The following HEATR5A variants were observed in gnomAD, a reference collection of about 807,000 sequenced individuals.
HEATR5A encodes HEAT repeat containing 5A.
Under a neutral mutation model 218.8 loss-of-function variants are expected in HEATR5A, and 178 were observed. That is an observed-to-expected ratio of 0.81 (90% CI 0.72 to 0.92). The LOEUF is 0.92. Ranked by LOEUF, HEATR5A falls within the 40% of genes least tolerant of loss-of-function variation. The pLI, the probability that HEATR5A is intolerant of heterozygous loss-of-function variation, is 0.00. For missense variants in HEATR5A, 2,420 were observed against 2,418.9 expected (o/e 1.00, Z -0.01); for synonymous variants, 864 against 871.6 (o/e 0.99, Z 0.15).
At chr14:31,319,150 G>A (rs1900007276) in intron 25 of HEATR5A, among the ~76,000 whole-genome samples, 1 of 151,954 alleles carries the variant, frequency 6.6e-6, no homozygotes, top group African/African-American at 2.4e-5. Flanking sequence ...TAATATAATA[G>A]TTCTTTTTTT....
intron 24 of HEATR5A, among the ~76,000 whole-genome samples, chr14:31,323,333 A>C (rs1670429137): frequency 6.6e-6 from 1 of 151,978 alleles, no homozygotes; most frequent in South Asian, 2.1e-4. Context: ...GCTAATTAAA[A>C]AAATTTTTTT....
At chr14:31,419,812 T>G (rs549361109) in intron 1 of HEATR5A, among the ~76,000 whole-genome samples, 1 of 152,186 alleles carries the variant, frequency 6.6e-6, no homozygotes, top group African/African-American at 2.4e-5. Flanking sequence ...TGGCCGAGAG[T>G]AGGGTGAAAG....
chr14:31,364,067 G>C (rs892669789), intron 14 of HEATR5A, 122 bp downstream of exon 14: 2 of 543,406 alleles, frequency 3.7e-6, no homozygotes, highest in Non-Finnish European at 6.6e-6. Context: ...AAACCTCCTA[G>C]AAACAAGGCA....
At chr14:31,417,147 G>A (rs1407899363) in intron 1 of HEATR5A, among the ~76,000 whole-genome samples, 1 of 152,044 alleles carries the variant, frequency 6.6e-6, no homozygotes, top group Non-Finnish European at 1.5e-5. Context: ...CCTATGAATG[G>A]CATAGTAAAA....
intron 13 of HEATR5A, among the ~76,000 whole-genome samples, chr14:31,365,454 G>T (rs911970581): frequency 1.3e-5 from 2 of 151,956 alleles, no homozygotes; most frequent in East Asian, 3.9e-4. Flanking sequence ...TCCGCCTCCT[G>T]GGTTCAAGTC....
Position 31,371,836 on chromosome 14 carries a change from A to G in HEATR5A, c.1935T>C (p.Leu645=). Reference sequence around the variant, plus strand: ...GAGTTAGCAAATCCACAGCACAAGGAAGTGGTGGAAGAAGACGCTGAGTTA... The same window carrying G: ...GAGTTAGCAAATCCACAGCACAAGGGAGTGGTGGAAGAAGACGCTGAGTTA... ...EEVTQRLLPP[L]PCAVDLLTQL... Residue 645 remains leucine, a synonymous_variant, in exon 13 of 36, where the codon CTT becomes CTC. Coordinates refer to ENST00000543095, the MANE Select transcript of HEATR5A (RefSeq NM_015473.4). 1.3e-6 allele frequency: 2 copies of G among 1,544,070 alleles called. No homozygotes were observed. The highest frequency in any genetic ancestry group is 8.8e-7 in the Non-Finnish European group (1 of 1,140,404).
chr14:31,399,657 C>T (rs1470616563), intron 3 of HEATR5A, among the ~76,000 whole-genome samples: 1 of 152,054 alleles, frequency 6.6e-6, no homozygotes, highest in Non-Finnish European at 1.5e-5. Flanking sequence ...TGGTGAAACC[C>T]CGTATCTACT....
intron 33 of HEATR5A, among the ~76,000 whole-genome samples, chr14:31,301,025 C>G (rs1247982619): frequency 6.6e-6 from 1 of 152,104 alleles, no homozygotes; most frequent in Non-Finnish European, 1.5e-5. Context: ...TTATAGGAGC[C>G]AGGCTCCACC....
At chr14:31,414,839 A>G (rs1466263374) in intron 1 of HEATR5A, among the ~76,000 whole-genome samples, 5 of 151,576 alleles carry the variant, frequency 3.3e-5, no homozygotes, top group South Asian at 2.1e-4. Flanking sequence ...TTATTTATTT[A>G]TTTGTTTGTT....
At chr14:31,402,805 A>G (rs2030928191) in intron 2 of HEATR5A, 45 bp downstream of exon 2, 1 of 1,527,132 alleles carries the variant, frequency 6.5e-7, no homozygotes, top group Admixed American at 2.0e-5. Context: ...AAGGAAGTAA[A>G]CATGGGCACT....
At position 31,345,264 on chromosome 14, in the gene HEATR5A, G is replaced by A. The variant is rs753439906; in HGVS notation, c.2881C>T (p.His961Tyr). ...TSPDVQTWAL[H>Y]SLSLIIDSAG... ...GAATCAATGATCAATGATAGAGAAT[G>A]TAATGCCCAGGTCTGTAATGACAAA... Residue 961 changes from histidine to tyrosine, a missense_variant, in exon 20 of 36, where the codon CAT becomes TAT. His to Tyr is a moderately conservative substitution (Grantham distance 83). Coordinates refer to ENST00000543095, the MANE Select transcript of HEATR5A (RefSeq NM_015473.4). The A allele has an allele frequency of 1.4e-5, 22 of 1,609,632 alleles. No homozygotes were observed. The South Asian group carries it at 2.3e-4, about 17-fold the overall frequency.
Position 31,400,495 on chromosome 14 carries a change from T to C in HEATR5A, c.144A>G (p.Lys48=). Residue 48 remains lysine (K), a synonymous_variant, in exon 3 of 36, where the codon AAA becomes AAG. Transcript: ENST00000543095. ...GGAGCTGTTCAACAAGAGTCTTCTG[T>C]TTCTCCCTTACATCATTCTAGAAAG... The part of the protein sequence containing the change: ...LATSRNDVRE[K]QKTLVEQLLS... The C allele has an allele frequency of 1.3e-6, 2 of 1,534,838 alleles. No homozygotes were observed. The highest frequency in any genetic ancestry group is 1.7e-6 in the Non-Finnish European group (2 of 1,145,984).
At chr14:31,365,100 C>T (rs1901756097) in intron 13 of HEATR5A, among the ~76,000 whole-genome samples, 1 of 150,468 alleles carries the variant, frequency 6.6e-6, no homozygotes, top group African/African-American at 2.4e-5. Flanking sequence ...GTCTTGGACT[C>T]CTGACCTCGT....
At chr14:31,354,532 C>T (rs115138384) in intron 16 of HEATR5A, among the ~76,000 whole-genome samples, 148 of 152,286 alleles carry the variant, frequency 9.7e-4, no homozygotes, top group Middle Eastern at 3.4e-3. Context: ...AGATTCTGAT[C>T]TTCAGGAAGA....
intron 14 of HEATR5A, among the ~76,000 whole-genome samples, chr14:31,363,143 G>A (rs1901681986): frequency 6.6e-6 from 1 of 151,846 alleles, no homozygotes; most frequent in Non-Finnish European, 1.5e-5. Flanking sequence ...GGAGGCTGAG[G>A]CAGGAGAATC....
At position 31,360,164 on chromosome 14, in the gene HEATR5A, G is replaced by C. The variant is rs535627738; in HGVS notation, c.2072-1107C>G. ...GTGTTTGAATCTAGATCTAAGTAAG[G>C]TGTACACATTGCAGCTAGTTTATCT... On this transcript the variant is annotated intron_variant, in intron 14 of 35. Transcript: ENST00000543095. Among the ~76,000 whole-genome samples, 55 of 151,956 alleles carry C rather than the reference G, an allele frequency of 3.6e-4. 1 individual carries two copies. The South Asian group carries it at 0.011, about 32-fold the overall frequency.
In HEATR5A at chr14:31,343,913, G is replaced by T; in HGVS notation, c.3211C>A (p.Leu1071Met). 1 of 1,603,560 alleles carries T rather than the reference G, an allele frequency of 6.2e-7. No individual in the cohort carries two copies. Among genetic ancestry groups the T allele is most frequent in the Non-Finnish European group, 8.5e-7 (1 of 1,176,758 alleles). Residue 1071 changes from leucine (L) to methionine (M), a missense_variant, in exon 21 of 36, where the codon CTG becomes ATG. Coordinates refer to ENST00000543095, the MANE Select transcript of HEATR5A (RefSeq NM_015473.4). ...ATACTCACACAGAGGCAGCTAACCA[G>T]GCTAGACAAGTTGACATGTCGTGGA... ...FAPRHVNLSS[L>M]VSCLCVNLCS...
At chr14:31,356,942 C>T (rs981445109) in intron 16 of HEATR5A, among the ~76,000 whole-genome samples, 2 of 152,140 alleles carry the variant, frequency 1.3e-5, no homozygotes, top group Non-Finnish European at 2.9e-5. Context: ...AAAAGGCCAG[C>T]CCTGTTTCAT....
rs1194724680 is a variant in HEATR5A, at chr14:31,384,444, G to GA, written c.1346-674dup. 6.7e-3 allele frequency among the ~76,000 whole-genome samples: 754 copies of GA among 112,784 alleles called. 3 individuals carry two copies. The highest frequency in any genetic ancestry group is 0.011 in the Non-Finnish European group (580 of 52,974). The allele number at this position is 112,784 out of a possible 152,430, so 74.0% of individuals were successfully genotyped here. A position where few individuals can be genotyped will look rare whatever the true frequency, so the allele number is the denominator to read the frequency against. On this transcript the variant is annotated intron_variant, in intron 9 of 35. Coordinates refer to ENST00000543095, the MANE Select transcript of HEATR5A (RefSeq NM_015473.4). ...GGGTGACAGACTGAGACCCTGCCTT[G>GA]AAAAAAAAAAAAAAGTCATACCCTG...
Sources: allele counts gnomAD v4.1 joint callset (sites outside exome capture counted in the v4.1 genomes callset), GRCh38; gene constraint gnomAD v4.1.1; transcripts MANE v1.5; gene names NCBI Gene and HGNC (gene_info 2026-07-23, HGNC 2026-07-21).